MED12L: variants seen among roughly 807,000 people sequenced by gnomAD.
MED12L encodes the protein mediator of RNA polymerase II transcription subunit 12-like protein.
In MED12L, 60 loss-of-function variants were observed where a neutral mutation model predicts 281.3. The observed-to-expected ratio is 0.21, with a 90% CI of 0.17 to 0.26. MED12L has a LOEUF of 0.26. Among genes scored for constraint, MED12L ranks in the 10% least tolerant of loss-of-function variants. The pLI, the probability that MED12L is intolerant of heterozygous loss-of-function variation, is 1.00. For synonymous variants in MED12L, 974 were observed against 987.2 expected, an observed-to-expected ratio of 0.99 and a Z score of 0.25; for missense variants, 2,146 against 2,680.9, an observed-to-expected ratio of 0.80 and a Z score of 4.41.
chr3:151,098,597 T>C (rs1276076635), intron 2 of MED12L, among the ~76,000 whole-genome samples: 3 of 152,228 alleles, frequency 2.0e-5, no homozygotes, highest in Non-Finnish European at 4.4e-5. Flanking sequence ...TTCTCCACTT[T>C]ACATGGTCTT....
intron 19 of MED12L, among the ~76,000 whole-genome samples, chr3:151,356,296 G>A (rs1052130240): frequency 1.3e-5 from 2 of 152,084 alleles, no homozygotes; most frequent in Non-Finnish European, 2.9e-5. Flanking sequence ...GGAGGCTGAG[G>A]CAGGAGACTC....
Position 151,373,829 on chromosome 3 carries a change from A to G in MED12L, c.3864+1063A>G, listed in dbSNP as rs112079549. ...TTTCTCTGCCCCGGGCCTGGAATCA[A>G]CTATTCCTCCAAGGAGCCCTTGGTT... On this transcript the variant is annotated intron_variant, in intron 27 of 44. Transcript: ENST00000687756. Among the ~76,000 whole-genome samples, 525 of 152,266 alleles carry G rather than the reference A, an allele frequency of 3.4e-3. 4 individuals are homozygous for G. The highest frequency in any genetic ancestry group is 0.012 in the African/African-American group (506 of 41,550).
chr3:151,213,531 T>C (rs1250387356), intron 16 of MED12L: 1 of 1,614,202 alleles, frequency 6.2e-7, no homozygotes, highest in East Asian at 2.2e-5. Context: ...TGTAATGAGC[T>C]TCGGTCTGAC....
chr3:151,370,920 A>G (rs1756102675), intron 26 of MED12L, among the ~76,000 whole-genome samples: 1 of 152,168 alleles, frequency 6.6e-6, no homozygotes, highest in Admixed American at 6.5e-5. Context: ...CTCTTCATCC[A>G]CATAATTTGG....
chr3:151,334,640 C>T (rs941187528), intron 16 of MED12L, among the ~76,000 whole-genome samples: 5 of 152,076 alleles, frequency 3.3e-5, no homozygotes, highest in Non-Finnish European at 7.4e-5. Flanking sequence ...GCTGGGACTA[C>T]AGGTGCCCAC....
intron 16 of MED12L, among the ~76,000 whole-genome samples, chr3:151,308,832 T>TG (rs1295783177): frequency 6.6e-6 from 1 of 152,224 alleles, no homozygotes. Context: ...TAGCTACCCT[T>TG]ATTCTTGTAA....
intron 16 of MED12L, chr3:151,294,445 T>A: frequency 6.2e-7 from 1 of 1,614,224 alleles, no homozygotes; most frequent in Non-Finnish European, 8.5e-7. Flanking sequence ...ACAAGTGATA[T>A]GGTAGAAAGC....
chr3:151,434,811 G>A lies in MED12L; in HGVS notation c.*2007G>A, dbSNP rs1357988917. On this transcript the variant is annotated 3_prime_UTR_variant, in exon 45 of 45. Transcript: ENST00000687756. Reference sequence around the variant, plus strand: ...TGTTTTAAGAATGAGTGTTATAATTGCATAGCATTTGTATGCACTTTATAC... The same window carrying A: ...TGTTTTAAGAATGAGTGTTATAATTACATAGCATTTGTATGCACTTTATAC... 2 of 152,120 alleles carry A rather than the reference G, an allele frequency of 1.3e-5. No homozygotes were observed. The highest frequency in any genetic ancestry group is 2.9e-5 in the Non-Finnish European group (2 of 68,006). 9.4% of individuals were successfully genotyped at this position (152,120 alleles called of 1,614,324 possible). A position where few individuals can be genotyped will look rare whatever the true frequency, so the allele number is the denominator to read the frequency against.
At chr3:151,325,232 C>T (rs934864972) in intron 16 of MED12L, among the ~76,000 whole-genome samples, 1 of 152,208 alleles carries the variant, frequency 6.6e-6, no homozygotes, top group Non-Finnish European at 1.5e-5. Flanking sequence ...TTCCACTTTA[C>T]AGTTATCTTC....
chr3:151,338,860 C>G, intron 16 of MED12L: 1 of 1,610,894 alleles, frequency 6.2e-7, no homozygotes, highest in Non-Finnish European at 8.5e-7. Context: ...TGTTGGTTAC[C>G]TAGAGAACAA....
intron 31 of MED12L, among the ~76,000 whole-genome samples, chr3:151,378,591 T>A (rs1231198899): frequency 6.6e-6 from 1 of 152,120 alleles, no homozygotes; most frequent in Non-Finnish European, 1.5e-5. Flanking sequence ...ATTTTTAACA[T>A]TTAGGGCTCC....
chr3:151,192,436 A>T, intron 14 of MED12L, 114 bp from the exon 15 acceptor site: 1 of 769,190 alleles, frequency 1.3e-6, no homozygotes. Context: ...GAAGAAAACA[A>T]TACGGGGAAC....
At position 151,212,325 on chromosome 3, in the gene MED12L, G is replaced by A. The variant is rs77264802; in HGVS notation, c.2250+18659G>A. ...AGAAGTAAAATCCGTCTGTTTTCCA[G>A]AAAAATGTGATGTGTGAATTTTCAT... On this transcript the variant is annotated intron_variant, in intron 16 of 44. Coordinates refer to ENST00000687756, the MANE Select transcript of MED12L (RefSeq NM_001393769.1). 538 of 152,226 alleles carry A rather than the reference G, an allele frequency of 3.5e-3. 2 individuals are homozygous for A. The highest frequency in any genetic ancestry group is 0.012 in the African/African-American group (518 of 41,538). The allele number at this position is 152,226 out of a possible 1,614,324, so 9.4% of individuals were successfully genotyped here.
intron 16 of MED12L, among the ~76,000 whole-genome samples, chr3:151,235,517 A>G (rs1732561600): frequency 6.6e-6 from 1 of 152,128 alleles, no homozygotes; most frequent in Admixed American, 6.5e-5. Flanking sequence ...CATCATGGCT[A>G]ACATGGTGAA....
intron 7 of MED12L, 40 bp downstream of exon 7, chr3:151,158,839 C>A: frequency 1.6e-6 from 2 of 1,287,450 alleles, no homozygotes; most frequent in South Asian, 2.5e-5. Context: ...GTTTTATGGG[C>A]AAGAAATGAG....
At chr3:151,340,414 TTAAC>T (rs1425483845) in intron 16 of MED12L, among the ~76,000 whole-genome samples, 1 of 152,186 alleles carries the variant, frequency 6.6e-6, no homozygotes, top group Non-Finnish European at 1.5e-5. Flanking sequence ...AAGAGGCTAA[TTAAC>T]AATTGTCTCT....
chr3:151,299,388 TTCTTTTCTTTTCCCC>T (rs1439637817), intron 16 of MED12L, among the ~76,000 whole-genome samples: 1 of 138,742 alleles, frequency 7.2e-6, no homozygotes, highest in African/African-American at 3.0e-5. Flanking sequence ...TTCTTTTCTT[TTCTTTTCTTTTCCCC>T]TCCCCTCCCC....
chr3:151,191,524 ATACT>A (rs1331848932), intron 14 of MED12L, among the ~76,000 whole-genome samples: 4 of 152,192 alleles, frequency 2.6e-5, no homozygotes, highest in African/African-American at 7.2e-5. Flanking sequence ...ATTGTTCCAG[ATACT>A]TACTGAAATT....
rs1332844142 is a variant in MED12L at position 151,123,414 on chromosome 3, C to G, written c.396+440C>G. Reference sequence around the variant, plus strand: ...ACCAAGCAAGATAAAGATTGTGATTCTGTGTGTGCTTGTTCTTTGAAAAAT... The same window carrying G: ...ACCAAGCAAGATAAAGATTGTGATTGTGTGTGTGCTTGTTCTTTGAAAAAT... On this transcript the variant is annotated intron_variant, in intron 4 of 44. Transcript: ENST00000687756. 3.3e-5 allele frequency among the ~76,000 whole-genome samples: 5 copies of G among 152,268 alleles called. No individual in the cohort carries two copies. The South Asian group carries it at 8.3e-4, about 25-fold the overall frequency.
Sources: gnomAD v4.1 joint callset for allele counts (sites outside exome capture counted in the v4.1 genomes callset) on GRCh38, gnomAD v4.1.1 for gene constraint, MANE v1.5 for transcripts, NCBI Gene and HGNC (gene_info 2026-07-23, HGNC 2026-07-21) for gene names.